Variants in TPCN2 observed in about 807,000 individuals in gnomAD.
TPCN2 encodes the protein two pore channel protein 2.
A neutral mutation model predicts 111.4 loss-of-function variants in TPCN2; 92 were observed. The ratio of observed to expected loss-of-function variants is 0.83; its 90% CI spans 0.70 to 0.98. TPCN2 has a LOEUF of 0.98. Ranked by LOEUF, TPCN2 falls within the 50% of genes least tolerant of loss-of-function variation. TPCN2 has a pLI of 0.00. For missense variants in TPCN2, 995 were observed against 980.1 expected (o/e 1.02, Z -0.20); for synonymous variants, 405 against 414.5 (o/e 0.98, Z 0.28).
In TPCN2 at chr11:69,071,987, C is replaced by T. The variant is rs1282338105; in HGVS notation, c.1025C>T (p.Ser342Phe). 1.9e-6 allele frequency: 3 copies of T among 1,613,840 alleles called. No homozygotes were observed. Among genetic ancestry groups the T allele is most frequent in the Non-Finnish European group, 2.5e-6 (3 of 1,179,962 alleles). Residue 342 changes from serine (S) to phenylalanine (F), a missense_variant, in exon 11 of 25, where the codon TCC (serine) becomes TTC (phenylalanine). Physicochemically the swap from Ser to Phe is radical, Grantham distance 155. Coordinates refer to ENST00000294309, the MANE Select transcript of TPCN2 (RefSeq NM_139075.4). ...LGTRAAFEVL[S>F]SMVGEGGAFP... Reference sequence around the variant, plus strand: ...ACCCGGGCTGCCTTTGAAGTCCTATCCTCCATGGTGGGGGAGGGAGGAGCC... The same window carrying T: ...ACCCGGGCTGCCTTTGAAGTCCTATTCTCCATGGTGGGGGAGGGAGGAGCC...
In TPCN2 at chr11:69,050,924, A is replaced by G. The variant is rs1317373749; in HGVS notation, c.109+1818A>G. Among the ~76,000 whole-genome samples the G allele has an allele frequency of 3.3e-5, 5 of 152,192 alleles. No homozygotes were observed. The East Asian group carries it at 7.7e-4, about 23-fold the overall frequency. On this transcript the variant is annotated intron_variant, in intron 1 of 24. Transcript: ENST00000294309. ...CTCTCGGGGAGCGCTCTTTGTCCCT[A>G]TGCTGTGGCCTCAGCCAGGGCTTCT...
At chr11:69,051,428 T>C (rs1417095722) in intron 1 of TPCN2, among the ~76,000 whole-genome samples, 2 of 152,188 alleles carry the variant, frequency 1.3e-5, no homozygotes, top group South Asian at 2.1e-4. Context: ...TTAGCTCCTA[T>C]TGGGTGGGGG....
At chr11:69,058,003 C>T (rs896283287) in intron 5 of TPCN2, among the ~76,000 whole-genome samples, 11 of 152,220 alleles carry the variant, frequency 7.2e-5, no homozygotes, top group African/African-American at 2.2e-4. Context: ...CTGAAGGCCT[C>T]GGCCGTCCAG....
Position 69,067,584 on chromosome 11 carries a change from A to T in TPCN2, c.808A>T (p.Thr270Ser). 1 of 1,613,870 alleles carries T rather than the reference A, an allele frequency of 6.2e-7. No individual in the cohort carries two copies. Among genetic ancestry groups the T allele is most frequent in the African/African-American group, 1.3e-5 (1 of 75,020 alleles). ...TCTGACTTCCCTCCTGGTGCTGCTG[A>T]CCACGGCCAACAACCCCGATGGTGC... ...ESLTSLLVLL[T>S]TANNPDVMIP... The change falls in exon 8 of 25, where the codon ACC (threonine) becomes TCC (serine). Residue 270 changes from threonine (T) to serine (S), a missense_variant. Transcript: ENST00000294309.
At chr11:69,051,703 A>G (rs896876325) in intron 1 of TPCN2, among the ~76,000 whole-genome samples, 6 of 152,136 alleles carry the variant, frequency 3.9e-5, no homozygotes. Context: ...TGGAAAGGTG[A>G]TTGTCCCCCA....
chr11:69,085,956 G>A, intron 22 of TPCN2, 26 bp downstream of exon 22: 1 of 1,600,170 alleles, frequency 6.2e-7, no homozygotes, highest in Non-Finnish European at 8.5e-7. Context: ...CCTGACGGCA[G>A]TGATTCTCCG....
chr11:69,075,271 C>T (rs1462329435), intron 13 of TPCN2, among the ~76,000 whole-genome samples: 3 of 152,162 alleles, frequency 2.0e-5, no homozygotes, highest in African/African-American at 7.2e-5. Flanking sequence ...CGTTGCCCCT[C>T]GGTATCTGCA....
intron 1 of TPCN2, among the ~76,000 whole-genome samples, 188 bp from the exon 2 acceptor site, chr11:69,053,845 C>T (rs750198038): frequency 2.0e-5 from 3 of 152,178 alleles, no homozygotes; most frequent in Non-Finnish European, 4.4e-5. Context: ...CATTTGATGC[C>T]GAGGCACTTA....
intron 1 of TPCN2, among the ~76,000 whole-genome samples, chr11:69,053,014 C>T (rs58439334): frequency 0.074 from 11,264 of 152,276 alleles, 1,438 homozygotes; most frequent in African/African-American, 0.26. Context: ...AGAGGTGGCC[C>T]GTGCCTACGA....
In TPCN2 at chr11:69,087,044, G is replaced by T; in HGVS notation, c.2086-68G>T. ...GTGCCCTGTGGCTGACCCTGGAGGG[G>T]CCGGGGATGGGGCAAGGCTGCTTTC... On this transcript the variant is annotated intron_variant, in intron 23 of 24. Coordinates refer to ENST00000294309, the MANE Select transcript of TPCN2 (RefSeq NM_139075.4). The T allele has an allele frequency of 2.1e-6, 3 of 1,408,258 alleles. No individual in the cohort carries two copies. The East Asian group carries it at 7.0e-5, about 33-fold the overall frequency. The allele number at this position is 1,408,258 out of a possible 1,614,324, so 87.2% of individuals were successfully genotyped here.
chr11:69,077,247 TGCC>T (rs1213512156), intron 13 of TPCN2, among the ~76,000 whole-genome samples: 6 of 97,766 alleles, frequency 6.1e-5, no homozygotes, highest in African/African-American at 2.2e-4. Flanking sequence ...CCTGCCCTCC[TGCC>T]ACGTCCCTCC....
At position 69,071,343 on chromosome 11, in the gene TPCN2, TCTC is replaced by T. The variant is rs777928847; in HGVS notation, c.896-9_896-7del. On this transcript the variant is annotated splice_polypyrimidine_tract_variant and intron_variant, in intron 9 of 24. Transcript: ENST00000294309. The stretch of plus-strand genomic sequence containing the variant: ...CTGGTGGCGCCCCTGACCGTGGCTG[TCTC>T]CTCTTGAAGGAAGCCTGTTTCTGAT... 7.4e-6 allele frequency: 12 copies of T among 1,612,948 alleles called. No homozygotes were observed. The East Asian group carries it at 2.7e-4, about 36-fold the overall frequency.
At chr11:69,087,017 G>T in intron 23 of TPCN2, 95 bp from the exon 24 acceptor site, 1 of 1,038,122 alleles carries the variant, frequency 9.6e-7, no homozygotes, top group Admixed American at 2.0e-5. Context: ...CCCCCTCAGC[G>T]GGTGCCCTGT....
At position 69,071,387 on chromosome 11, in the gene TPCN2, C is replaced by T. The variant is rs1855530237; in HGVS notation, c.927C>T (p.Ala309=). 1.2e-6 allele frequency: 2 copies of T among 1,613,836 alleles called. No homozygotes were observed. Among genetic ancestry groups the T allele is most frequent in the Admixed American group, 1.7e-5 (1 of 59,994 alleles). Residue 309 remains alanine, a synonymous_variant, in exon 10 of 25, where the codon GCC becomes GCT. Coordinates refer to ENST00000294309, the MANE Select transcript of TPCN2 (RefSeq NM_139075.4). ...TGTTTCTGATGAACCTGCTGACAGC[C>T]ATCATCTACAGTCAGTTCCGGGGCT... The part of the protein sequence containing the change: ...GSLFLMNLLT[A]IIYSQFRGYL...
intron 16 of TPCN2, 51 bp from the exon 17 acceptor site, chr11:69,079,783 G>C (rs530798803): frequency 6.4e-7 from 1 of 1,554,840 alleles, no homozygotes; most frequent in Admixed American, 1.7e-5. Context: ...TTTAAGGGCC[G>C]CCCAGATTAG....
chr11:69,084,613 G>T (rs574329943), intron 19 of TPCN2: 2 of 985,314 alleles, frequency 2.0e-6, no homozygotes, highest in Non-Finnish European at 2.4e-6. Flanking sequence ...GACAGGAGGC[G>T]CCCTTTGCAG....
rs763189994 is a variant in TPCN2 at position 69,086,581 on chromosome 11, C to A, written c.2062C>A (p.Leu688Met). Reference sequence around the variant, plus strand: ...GGTGTCGTCTGTCATCTGGGTCAACCTGTTTCTGGCCCTGATTCTGGAGGT... The same window carrying A: ...GGTGTCGTCTGTCATCTGGGTCAACATGTTTCTGGCCCTGATTCTGGAGGT... The part of the protein sequence containing the change: ...WLVSSVIWVN[L>M]FLALILENFL... Residue 688 changes from leucine to methionine, a missense_variant, in exon 23 of 25, where the codon CTG (leucine) becomes ATG (methionine). Physicochemically the swap from Leu to Met is conservative, Grantham distance 15. Coordinates refer to ENST00000294309, the MANE Select transcript of TPCN2 (RefSeq NM_139075.4). 1 of 1,614,070 alleles carries A rather than the reference C, an allele frequency of 6.2e-7. No homozygotes were observed. The highest frequency in any genetic ancestry group is 1.7e-5 in the Admixed American group (1 of 60,018).
intron 4 of TPCN2, 145 bp from the exon 5 acceptor site, chr11:69,057,433 C>G (rs940294625): frequency 2.2e-5 from 17 of 758,700 alleles, no homozygotes; most frequent in Non-Finnish European, 3.4e-5. Context: ...CTCCTGACTG[C>G]TGCTCTGCGT....
At chr11:69,056,723 G>A (rs573240006) in intron 4 of TPCN2, among the ~76,000 whole-genome samples, 5 of 151,960 alleles carry the variant, frequency 3.3e-5, no homozygotes, top group South Asian at 2.1e-4. Flanking sequence ...TAGTAGAGAC[G>A]GGTTTCACCA....
Sources: allele counts gnomAD v4.1 joint callset (sites outside exome capture counted in the v4.1 genomes callset), GRCh38; gene constraint gnomAD v4.1.1; transcripts MANE v1.5; gene names NCBI Gene and HGNC (gene_info 2026-07-23, HGNC 2026-07-21).